The following SEC14L5 variants were observed in gnomAD, a reference collection of about 807,000 sequenced individuals.
The protein encoded by SEC14L5 is SEC14-like protein 5.
In SEC14L5, 96 loss-of-function variants were observed where a neutral mutation model predicts 84.6. The observed-to-expected ratio is 1.13, with a 90% CI of 0.96 to 1.34. The LOEUF (loss-of-function observed/expected upper bound fraction) is 1.34. Ranked by LOEUF, SEC14L5 falls within the 40% of genes most tolerant of loss-of-function variation. SEC14L5 has a pLI of 0.00. For synonymous variants in SEC14L5, 546 were observed against 383.4 expected, an observed-to-expected ratio of 1.42 and a Z score of -4.95; for missense variants, 1,224 against 942.5, an observed-to-expected ratio of 1.30 and a Z score of -3.91.
chr16:4,967,579 T>G (rs1955219022), intron 2 of SEC14L5, among the ~76,000 whole-genome samples: 2 of 135,410 alleles, frequency 1.5e-5, no homozygotes, highest in Non-Finnish European at 1.6e-5. Flanking sequence ...TTTTTTTTTT[T>G]TTTTTTTTTT....
chr16:4,982,963 A>G (rs1305795696), intron 2 of SEC14L5, among the ~76,000 whole-genome samples: 6 of 152,174 alleles, frequency 3.9e-5, no homozygotes, highest in African/African-American at 1.4e-4. Flanking sequence ...ATATATTCAT[A>G]TATAAAATAA....
chr16:4,985,520 G>A (rs978442323), intron 2 of SEC14L5, among the ~76,000 whole-genome samples: 29 of 152,196 alleles, frequency 1.9e-4, no homozygotes, highest in South Asian at 6.2e-4. Flanking sequence ...GAGCCACCGC[G>A]CCCGGCTCCA....
rs1955888948 is a variant in SEC14L5, at chr16:5,017,502, A to T, written c.*2532A>T. The T allele has an allele frequency of 6.6e-6, 1 of 152,264 alleles. No homozygotes were observed. Among genetic ancestry groups the T allele is most frequent in the Non-Finnish European group, 1.5e-5 (1 of 68,072 alleles). 9.4% of individuals were successfully genotyped at this position (152,264 alleles called of 1,614,324 possible). ...GGAAAGATGGCTGCCAGCAGCCCCAAGCCTATAATTTCAGGATTCACACTC... is the reference window on the plus strand; with the variant it reads ...GGAAAGATGGCTGCCAGCAGCCCCATGCCTATAATTTCAGGATTCACACTC... On this transcript the variant is annotated 3_prime_UTR_variant, in exon 16 of 16. Coordinates refer to ENST00000251170, the MANE Select transcript of SEC14L5 (RefSeq NM_014692.2).
chr16:4,995,056 C>A (rs537413554), intron 6 of SEC14L5, among the ~76,000 whole-genome samples: 1 of 152,334 alleles, frequency 6.6e-6, no homozygotes, highest in Admixed American at 6.5e-5. Context: ...CCAACATTCT[C>A]CCACCTCTGT....
chr16:4,974,617 C>G (rs1159764090), intron 2 of SEC14L5, among the ~76,000 whole-genome samples: 1 of 150,578 alleles, frequency 6.6e-6, no homozygotes, highest in African/African-American at 2.4e-5. Context: ...TTTTTTTTAA[C>G]ATGGATAAGG....
Position 5,014,900 on chromosome 16 carries a change from C to T in SEC14L5, c.2021C>T (p.Ser674Phe). Residue 674 changes from serine (S) to phenylalanine (F), a missense_variant, in exon 16 of 16, where the codon TCC becomes TTC. Transcript: ENST00000251170. Reference protein sequence around the residue: ...SSLESCTSGFSQLSAATSSSS... With the variant: ...SSLESCTSGFFQLSAATSSSS... ...CTGGAATCCTGCACCAGCGGCTTCT[C>T]CCAGCTCAGCGCCGCCACCTCGTCC... The T allele has an allele frequency of 6.2e-7, 1 of 1,613,632 alleles. No homozygotes were observed. Among genetic ancestry groups the T allele is most frequent in the South Asian group, 1.1e-5 (1 of 91,082 alleles).
intron 2 of SEC14L5, among the ~76,000 whole-genome samples, chr16:4,972,242 A>G (rs919222566): frequency 6.6e-6 from 1 of 151,948 alleles, no homozygotes; most frequent in African/African-American, 2.4e-5. Flanking sequence ...GCTTCAAGTG[A>G]TCCTCTTGCC....
At position 5,008,423 on chromosome 16, in the gene SEC14L5, G is replaced by T. The variant is rs1448819036; in HGVS notation, c.1575G>T (p.Val525=). ...ASVLRGAPHE[V]AVEILEGESV... ...AGACCTCGCCTGTCTCCACACAGGT[G>T]GCCGTGGAGATCCTGGAAGGAGAGT... The change falls in exon 14 of 16, where the codon GTG becomes GTT. Residue 525 remains valine, a splice_region_variant and synonymous_variant. Coordinates refer to ENST00000251170, the MANE Select transcript of SEC14L5 (RefSeq NM_014692.2). 2 of 1,607,946 alleles carry T rather than the reference G, an allele frequency of 1.2e-6. No homozygotes were observed.
intron 2 of SEC14L5, among the ~76,000 whole-genome samples, chr16:4,983,693 A>G (rs565755297): frequency 3.9e-5 from 6 of 151,978 alleles, no homozygotes; most frequent in African/African-American, 1.4e-4. Flanking sequence ...CCTGACCAAC[A>G]TGGTGAAACC....
In SEC14L5 at chr16:5,014,966, G is replaced by A. The variant is rs368046502; in HGVS notation, c.2087G>A (p.Arg696Lys). The A allele has an allele frequency of 6.2e-7, 1 of 1,609,322 alleles. No individual in the cohort carries two copies. Among genetic ancestry groups the A allele is most frequent in the Non-Finnish European group, 8.5e-7 (1 of 1,179,230 alleles). The change falls in exon 16 of 16, where the codon AGA becomes AAA. Residue 696 changes from arginine to lysine, a missense_variant. Physicochemically the swap from Arg to Lys is conservative, Grantham distance 26 (BLOSUM62 2). Coordinates refer to ENST00000251170, the MANE Select transcript of SEC14L5 (RefSeq NM_014692.2). ...GQSHSSSLVS[R>K] ...TCTCATAGCAGCTCCCTGGTCTCCAGATAGCCGGGCCCAGTGTTTCAGGGC... is the reference window on the plus strand; with the variant it reads ...TCTCATAGCAGCTCCCTGGTCTCCAAATAGCCGGGCCCAGTGTTTCAGGGC...
chr16:4,986,296 C>T (rs746515532), intron 2 of SEC14L5, among the ~76,000 whole-genome samples: 1 of 152,216 alleles, frequency 6.6e-6, no homozygotes, highest in African/African-American at 2.4e-5. Flanking sequence ...CCTGCCACCA[C>T]GCCCGGCTGC....
intron 2 of SEC14L5, among the ~76,000 whole-genome samples, chr16:4,973,768 C>T (rs1334495586): frequency 6.6e-6 from 1 of 151,480 alleles, no homozygotes; most frequent in East Asian, 1.9e-4. Flanking sequence ...CTGCAACCTC[C>T]ACCTCCCGGG....
chr16:4,988,030 G>T, intron 3 of SEC14L5, 119 bp from the exon 4 acceptor site: 4 of 1,105,918 alleles, frequency 3.6e-6, no homozygotes, highest in African/African-American at 1.5e-5. Context: ...GGGCGGTGGC[G>T]CAAGGGACCT....
chr16:4,964,922 G>C (rs1955178534), intron 2 of SEC14L5, among the ~76,000 whole-genome samples: 1 of 151,976 alleles, frequency 6.6e-6, no homozygotes, highest in Admixed American at 6.6e-5. Flanking sequence ...GTAGACATGG[G>C]GTTTCACCGT....
chr16:4,995,204 G>A lies in SEC14L5; in HGVS notation c.668-1144G>A, dbSNP rs556818024. ...TCTACAAAGAACTGGCTCTGCCCAC[G>A]GAGGCTGCTGCTTTGTGTGACGTCT... On this transcript the variant is annotated intron_variant, in intron 6 of 15. Coordinates refer to ENST00000251170, the MANE Select transcript of SEC14L5 (RefSeq NM_014692.2). 7.9e-5 allele frequency among the ~76,000 whole-genome samples: 12 copies of A among 152,248 alleles called. No homozygotes were observed. In the South Asian group the frequency reaches 2.3e-3, roughly 29 times the overall value.
At chr16:5,002,020 T>C (rs1955683229) in intron 10 of SEC14L5, among the ~76,000 whole-genome samples, 1 of 152,210 alleles carries the variant, frequency 6.6e-6, no homozygotes, top group Non-Finnish European at 1.5e-5. Flanking sequence ...TCCTCCCACC[T>C]TGGCCTTCCA....
At chr16:4,989,642 C>G (rs964357088) in intron 4 of SEC14L5, among the ~76,000 whole-genome samples, 1 of 152,192 alleles carries the variant, frequency 6.6e-6, no homozygotes, top group African/African-American at 2.4e-5. Context: ...CCACCGTACC[C>G]GGCTCCATTG....
intron 2 of SEC14L5, among the ~76,000 whole-genome samples, chr16:4,975,862 A>G (rs1391401490): frequency 2.0e-5 from 3 of 152,266 alleles, no homozygotes; most frequent in African/African-American, 7.2e-5. Context: ...CAGGCCCCCA[A>G]ATCAGGCCTG....
At chr16:4,976,304 A>C (rs1310680230) in intron 2 of SEC14L5, among the ~76,000 whole-genome samples, 1 of 152,130 alleles carries the variant, frequency 6.6e-6, no homozygotes, top group Non-Finnish European at 1.5e-5. Context: ...AGAGATCCCA[A>C]CCCAGGCCCC....
Sources: gnomAD v4.1 joint callset for allele counts (sites outside exome capture counted in the v4.1 genomes callset) on GRCh38, gnomAD v4.1.1 for gene constraint, MANE v1.5 for transcripts, NCBI Gene and HGNC (gene_info 2026-07-23, HGNC 2026-07-21) for gene names.